The following CCDC93 variants were observed in gnomAD, a reference collection of about 807,000 sequenced individuals.
The protein encoded by CCDC93 is CCC complex scaffolding subunit CCDC93, also known as coiled-coil domain-containing protein 93.
CCDC93 carries 61 observed loss-of-function variants against 108.2 expected under a neutral mutation model. The observed-to-expected ratio is 0.56, with a 90% CI of 0.46 to 0.70. The LOEUF (loss-of-function observed/expected upper bound fraction) is 0.70. Ranked by LOEUF, CCDC93 falls within the 30% of genes least tolerant of loss-of-function variation. CCDC93 has a pLI of 0.00. For missense variants in CCDC93, 685 were observed against 764.2 expected (o/e 0.90, Z 1.22); for synonymous variants, 276 against 260.4 (o/e 1.06, Z -0.58).
intron 8 of CCDC93, among the ~76,000 whole-genome samples, chr2:117,975,577 T>G (rs1679918293): frequency 6.6e-6 from 1 of 152,224 alleles, no homozygotes; most frequent in South Asian, 2.1e-4. Context: ...CCCCCTACTT[T>G]AACACTTTCA....
chr2:118,001,453 G>A (rs1335136363), intron 3 of CCDC93, among the ~76,000 whole-genome samples: 2 of 152,062 alleles, frequency 1.3e-5, no homozygotes, highest in Non-Finnish European at 2.9e-5. Flanking sequence ...CTGGTACAAG[G>A]ATATTTTTAA....
At chr2:117,993,726 T>C (rs939188307) in intron 6 of CCDC93, among the ~76,000 whole-genome samples, 2 of 152,138 alleles carry the variant, frequency 1.3e-5, no homozygotes, top group Non-Finnish European at 2.9e-5. Context: ...GAATCTTTGT[T>C]GTGTTTTTGT....
intron 12 of CCDC93, among the ~76,000 whole-genome samples, chr2:117,955,954 T>C (rs1679203767): frequency 6.6e-6 from 1 of 152,230 alleles, no homozygotes; most frequent in East Asian, 1.9e-4. Context: ...TATATACTTC[T>C]ATACTATTTA....
In CCDC93 at chr2:117,935,547, A is replaced by G; in HGVS notation, c.1676T>C (p.Phe559Ser). Residue 559 changes from phenylalanine (F) to serine (S), a missense_variant, in exon 22 of 24, where the codon TTT becomes TCT. Coordinates refer to ENST00000376300, the MANE Select transcript of CCDC93 (RefSeq NM_019044.5). Reference protein sequence around the residue: ...AMASPAARDQFLRQMEQIVEG... With the variant: ...AMASPAARDQSLRQMEQIVEG... ...CACAATCTGTTCCATCTGACGTAAA[A>G]ACTGGTCCCGGGCAGCAGGGGAGGC... 1 of 1,614,004 alleles carries G rather than the reference A, an allele frequency of 6.2e-7. No individual in the cohort carries two copies. The highest frequency in any genetic ancestry group is 8.5e-7 in the Non-Finnish European group (1 of 1,179,894).
rs1677769339 is a variant in CCDC93, at chr2:117,918,793, AG to A, written c.*1549del. 1 of 152,120 alleles carries A rather than the reference AG, an allele frequency of 6.6e-6. No individual in the cohort carries two copies. The highest frequency in any genetic ancestry group is 2.1e-4 in the South Asian group (1 of 4,836). The allele number at this position is 152,120 out of a possible 1,614,324, so 9.4% of individuals were successfully genotyped here. A position where few individuals can be genotyped will look rare whatever the true frequency, so the allele number is the denominator to read the frequency against. ...TGCACATGACCCAAGAAGCGCTCGC[AG>A]GTGGCAGTTTCTATTTGCAAGCTGC... On this transcript the variant is annotated 3_prime_UTR_variant, in exon 24 of 24. Transcript: ENST00000376300.
intron 13 of CCDC93, chr2:117,949,978 C>G: frequency 2.0e-6 from 2 of 985,448 alleles, no homozygotes; most frequent in Non-Finnish European, 2.4e-6. Context: ...GGCAATGAAA[C>G]CTGACTCTCT....
chr2:117,973,768 G>C (rs905983876), intron 11 of CCDC93, 140 bp downstream of exon 11: 1 of 682,580 alleles, frequency 1.5e-6, no homozygotes, highest in Non-Finnish European at 2.6e-6. Flanking sequence ...GCATGGTAAA[G>C]CCCAGTGTGT....
chr2:117,929,376 A>T (rs1369221961), intron 23 of CCDC93, among the ~76,000 whole-genome samples: 7 of 152,212 alleles, frequency 4.6e-5, no homozygotes, highest in African/African-American at 1.7e-4. Context: ...CTGGATCTGA[A>T]GGAACCACCC....
At chr2:117,949,706 A>G in intron 13 of CCDC93, 1 of 623,050 alleles carries the variant, frequency 1.6e-6, no homozygotes, top group Non-Finnish European at 2.0e-6. Context: ...TTCAAAAATT[A>G]AAAAAAAAAA....
Position 117,988,115 on chromosome 2 carries a change from G to T in CCDC93, c.520-2046C>A, listed in dbSNP as rs191364322. Among the ~76,000 whole-genome samples, 611 of 149,724 alleles carry T rather than the reference G, an allele frequency of 4.1e-3. 3 individuals are homozygous for T. The highest frequency in any genetic ancestry group is 6.5e-3 in the Non-Finnish European group (436 of 67,454). On this transcript the variant is annotated intron_variant, in intron 6 of 23. Coordinates refer to ENST00000376300, the MANE Select transcript of CCDC93 (RefSeq NM_019044.5). Reference sequence around the variant, plus strand: ...GGTTCTGATACATATATATATATCAGATATATATATATATGATATATGTAT... The same window carrying T: ...GGTTCTGATACATATATATATATCATATATATATATATATGATATATGTAT...
chr2:117,998,449 T>C (rs1245387841), intron 4 of CCDC93: 2 of 152,224 alleles, frequency 1.3e-5, no homozygotes, highest in East Asian at 1.9e-4. Context: ...CATTATTTTA[T>C]GAAATGATAA....
chr2:117,995,440 A>T lies in CCDC93; in HGVS notation c.519+6T>A. The stretch of plus-strand genomic sequence containing the variant: ...TCTGACAGAAGAATACGGCCAGGGG[A>T]CTTACTGAGAGGTCCACAACTGTCT... On this transcript the variant is annotated splice_donor_region_variant and intron_variant, in intron 6 of 23. Coordinates refer to ENST00000376300, the MANE Select transcript of CCDC93 (RefSeq NM_019044.5). The T allele has an allele frequency of 1.2e-6, 2 of 1,607,272 alleles. No individual in the cohort carries two copies. The highest frequency in any genetic ancestry group is 1.7e-6 in the Non-Finnish European group (2 of 1,173,744).
chr2:118,011,446 A>AT, intron 1 of CCDC93, among the ~76,000 whole-genome samples: 1 of 152,170 alleles, frequency 6.6e-6, no homozygotes, highest in East Asian at 1.9e-4. Flanking sequence ...AGTAATATAA[A>AT]TAATTCACAC....
chr2:117,977,028 C>T (rs1183601459), intron 8 of CCDC93, among the ~76,000 whole-genome samples: 4 of 151,652 alleles, frequency 2.6e-5, no homozygotes, highest in Non-Finnish European at 5.9e-5. Context: ...CTCCGCCTCC[C>T]GGGTTCACGC....
chr2:117,970,834 TG>T (rs1358989658), intron 11 of CCDC93, among the ~76,000 whole-genome samples: 1 of 152,096 alleles, frequency 6.6e-6, no homozygotes, highest in African/African-American at 2.4e-5. Flanking sequence ...CTGGAAATAT[TG>T]GGGGCATATG....
intron 23 of CCDC93, among the ~76,000 whole-genome samples, chr2:117,926,566 G>A (rs1010263774): frequency 2.0e-5 from 3 of 151,944 alleles, no homozygotes; most frequent in Non-Finnish European, 2.9e-5. Flanking sequence ...AAGACTAAAC[G>A]AGGAAGAAGT....
intron 11 of CCDC93, among the ~76,000 whole-genome samples, chr2:117,965,429 C>T (rs1054910034): frequency 6.6e-6 from 1 of 152,116 alleles, no homozygotes; most frequent in Non-Finnish European, 1.5e-5. Flanking sequence ...TACTTTCTGG[C>T]CCAGGCAATG....
intron 21 of CCDC93, among the ~76,000 whole-genome samples, chr2:117,936,141 G>C (rs1050903060): frequency 1.1e-4 from 16 of 151,688 alleles, no homozygotes; most frequent in African/African-American, 3.6e-4. Context: ...CCAGAGAGAA[G>C]GGCCTGCCAG....
rs753321471 is a variant in CCDC93, at chr2:117,936,481, C to T, written c.1643+221G>A. The T allele has an allele frequency of 6.7e-5, 32 of 479,076 alleles. 1 individual carries two copies. Among genetic ancestry groups the T allele is most frequent in the South Asian group, 3.8e-4 (8 of 21,158 alleles). 29.7% of individuals were successfully genotyped at this position (479,076 alleles called of 1,614,324 possible). On this transcript the variant is annotated intron_variant, in intron 21 of 23. Transcript: ENST00000376300. ...AAAGTATTTGAAAGTTAACTTTTTT[C>T]GTCAGCTCTTCCTTCACTCTACTAT...
Sources: gnomAD v4.1 joint callset for allele counts (sites outside exome capture counted in the v4.1 genomes callset) on GRCh38, gnomAD v4.1.1 for gene constraint, MANE v1.5 for transcripts, NCBI Gene and HGNC (gene_info 2026-07-23, HGNC 2026-07-21) for gene names.